Variants in NUMB observed in about 807,000 individuals in gnomAD.
The protein encoded by NUMB is protein numb homolog.
In NUMB, 29 loss-of-function variants were observed where a neutral mutation model predicts 59.7. The ratio of observed to expected loss-of-function variants is 0.49; its 90% CI spans 0.36 to 0.66. The LOEUF (loss-of-function observed/expected upper bound fraction) is 0.66, where lower values mean the gene tolerates loss of function less well. NUMB is among the 30% of genes least tolerant of loss of function. The pLI is 0.00. For missense variants in NUMB, 723 were observed against 822.0 expected (o/e 0.88, Z 1.47); for synonymous variants, 288 against 288.2 (o/e 1.00, Z 0.01).
chr14:73,282,309 A>G lies in NUMB; in HGVS notation c.1096+50T>C, dbSNP rs1237949770. On this transcript the variant is annotated intron_variant, in intron 11 of 12. Coordinates refer to ENST00000555238, the MANE Select transcript of NUMB (RefSeq NM_001005743.2). Reference sequence around the variant, plus strand: ...ACTTACAGTTAGTGAGCAGTGTACTAAAAGTACTGGTTGTAAAGAGAACAG... The same window carrying G: ...ACTTACAGTTAGTGAGCAGTGTACTGAAAGTACTGGTTGTAAAGAGAACAG... 4.4e-6 allele frequency: 7 copies of G among 1,595,390 alleles called. No individual in the cohort carries two copies. In the Admixed American group the frequency reaches 8.7e-5, roughly 20 times the overall value.
At chr14:73,292,291 C>T (rs1327421809) in intron 8 of NUMB, among the ~76,000 whole-genome samples, 1 of 152,190 alleles carries the variant, frequency 6.6e-6, no homozygotes, top group Non-Finnish European at 1.5e-5. Context: ...CTCAAGTGAT[C>T]TTCCTGCCCT....
Position 73,301,412 on chromosome 14 carries a change from G to A in NUMB, c.235-4127C>T, listed in dbSNP as rs74858343. ...AGTTAGTCTCCTTACAATATTCAGG[G>A]AAATGTAACATTTTCTTGGCCCAAT... On this transcript the variant is annotated intron_variant, in intron 6 of 12. Coordinates refer to ENST00000555238, the MANE Select transcript of NUMB (RefSeq NM_001005743.2). Among the ~76,000 whole-genome samples the A allele has an allele frequency of 6.8e-3, 1,042 of 152,276 alleles. 7 individuals carry two copies. The highest frequency in any genetic ancestry group is 0.012 in the Non-Finnish European group (850 of 68,016).
intron 2 of NUMB, among the ~76,000 whole-genome samples, chr14:73,395,025 G>A (rs1439893415): frequency 8.1e-5 from 11 of 136,490 alleles, no homozygotes; most frequent in Admixed American, 7.7e-4. Context: ...AGGTTGAATA[G>A]TATTCGTGTG....
rs138147064 is a variant in NUMB at position 73,419,627 on chromosome 14, G to C, written c.-232-9559C>G. On this transcript the variant is annotated intron_variant, in intron 1 of 12. Transcript: ENST00000555238. The stretch of plus-strand genomic sequence containing the variant: ...AAACTATTGAAATTTGAGCCTTAAT[G>C]AATATGCAGTTTATGGTCAAAATAA... 9.2e-3 allele frequency among the ~76,000 whole-genome samples: 1,398 copies of C among 152,234 alleles called. 39 individuals are homozygous for C. The highest frequency in any genetic ancestry group is 0.041 in the Admixed American group (619 of 15,276).
intron 4 of NUMB, among the ~76,000 whole-genome samples, chr14:73,328,013 G>A (rs1261211440): frequency 3.3e-5 from 5 of 152,058 alleles, no homozygotes; most frequent in Non-Finnish European, 7.4e-5. Context: ...GGTGGCTCAC[G>A]CCTGTAATCC....
intron 1 of NUMB, among the ~76,000 whole-genome samples, chr14:73,412,356 G>C (rs1458988003): frequency 6.6e-6 from 1 of 152,020 alleles, no homozygotes; most frequent in South Asian, 2.1e-4. Flanking sequence ...GGCTGGGCAC[G>C]GTGGCTCACG....
chr14:73,435,681 G>A (rs1005893061), intron 1 of NUMB, among the ~76,000 whole-genome samples: 1 of 151,926 alleles, frequency 6.6e-6, no homozygotes, highest in Admixed American at 6.6e-5. Context: ...GCAAAGCAGT[G>A]TTTATAGCAG....
chr14:73,391,769 C>T (rs1895865700), intron 2 of NUMB, among the ~76,000 whole-genome samples: 1 of 152,158 alleles, frequency 6.6e-6, no homozygotes, highest in Non-Finnish European at 1.5e-5. Flanking sequence ...GTGATACCAA[C>T]AGGTAGAGGT....
At chr14:73,423,019 T>C (rs2140154867) in intron 1 of NUMB, among the ~76,000 whole-genome samples, 1 of 152,262 alleles carries the variant, frequency 6.6e-6, no homozygotes, top group Non-Finnish European at 1.5e-5. Flanking sequence ...GATGTCATTA[T>C]TCTTTTCATA....
chr14:73,444,972 A>C (rs1397546815), intron 1 of NUMB, among the ~76,000 whole-genome samples: 1 of 152,144 alleles, frequency 6.6e-6, no homozygotes, highest in Non-Finnish European at 1.5e-5. Flanking sequence ...CAAATTGAGA[A>C]CCACTGATAA....
At chr14:73,434,961 T>C (rs1897989196) in intron 1 of NUMB, among the ~76,000 whole-genome samples, 1 of 152,184 alleles carries the variant, frequency 6.6e-6, no homozygotes, top group Non-Finnish European at 1.5e-5. Flanking sequence ...TGAGAATAAA[T>C]CTGGATCCAT....
At chr14:73,410,174 T>C (rs895956532) in intron 1 of NUMB, 106 bp from the exon 2 acceptor site, 1 of 152,234 alleles carries the variant, frequency 6.6e-6, no homozygotes, top group Admixed American at 6.5e-5. Flanking sequence ...GGTTACGATA[T>C]ATGGAAATGA....
chr14:73,327,181 A>C (rs1042200564), intron 4 of NUMB, among the ~76,000 whole-genome samples: 28 of 152,160 alleles, frequency 1.8e-4, no homozygotes, highest in African/African-American at 6.8e-4. Flanking sequence ...AGACTCAGTG[A>C]AAACATCTAA....
intron 3 of NUMB, chr14:73,357,168 C>T (rs12323425): frequency 0.016 from 3,240 of 204,858 alleles, 80 homozygotes; most frequent in African/African-American, 0.055. Flanking sequence ...TTTGGGAGGC[C>T]GAGGCAGGTG....
intron 2 of NUMB, among the ~76,000 whole-genome samples, chr14:73,387,635 A>G (rs1895612046): frequency 6.6e-6 from 1 of 151,676 alleles, no homozygotes; most frequent in African/African-American, 2.4e-5. Context: ...CCGGTGACTG[A>G]GGTACAAGAA....
At chr14:73,320,961 G>A (rs539311652) in intron 5 of NUMB, among the ~76,000 whole-genome samples, 13 of 151,372 alleles carry the variant, frequency 8.6e-5, no homozygotes, top group Non-Finnish European at 1.5e-4. Flanking sequence ...TGGGGTTGTA[G>A]GAAATTTCAT....
chr14:73,454,115 G>A (rs72736380), intron 1 of NUMB, among the ~76,000 whole-genome samples: 23,747 of 151,854 alleles, frequency 0.16, 2,685 homozygotes, highest in Non-Finnish European at 0.23. Flanking sequence ...CACTACCTGG[G>A]TGACAGGACC....
At chr14:73,284,427 GT>G in intron 9 of NUMB, 53 bp from the exon 10 acceptor site, 1 of 1,504,260 alleles carries the variant, frequency 6.6e-7, no homozygotes, top group Non-Finnish European at 9.0e-7. Flanking sequence ...AATAATTTGC[GT>G]TTAGAGAGCT....
intron 1 of NUMB, among the ~76,000 whole-genome samples, chr14:73,427,132 C>A (rs1385609180): frequency 6.6e-6 from 1 of 152,146 alleles, no homozygotes; most frequent in Non-Finnish European, 1.5e-5. Context: ...CTGCCTGGAG[C>A]TATTGCTTAC....
Sources: gnomAD v4.1 joint callset for allele counts (sites outside exome capture counted in the v4.1 genomes callset) on GRCh38, gnomAD v4.1.1 for gene constraint, MANE v1.5 for transcripts, NCBI Gene and HGNC (gene_info 2026-07-23, HGNC 2026-07-21) for gene names.